The following TBC1D9 variants were observed in gnomAD, a reference collection of about 807,000 sequenced individuals.
TBC1D9 encodes TBC1 domain family member 9A.
In TBC1D9, 63 loss-of-function variants were observed where a neutral mutation model predicts 132.0. That is an observed-to-expected ratio of 0.48 (90% CI 0.39 to 0.59). TBC1D9 has a LOEUF of 0.59. TBC1D9 is among the 20% of genes least tolerant of loss of function. The pLI is 0.00. For synonymous variants in TBC1D9, 610 were observed against 609.9 expected (o/e 1.00, Z 0.00); for missense variants, 1,261 against 1,592.7 (o/e 0.79, Z 3.54).
At chr4:140,643,802 G>A (rs532997649) in intron 13 of TBC1D9, 5 of 808,832 alleles carry the variant, frequency 6.2e-6, no homozygotes, top group East Asian at 2.5e-5. Context: ...AGCCCTGCCC[G>A]GTGGCACTCA....
At chr4:140,637,959 A>G (rs949767645) in intron 15 of TBC1D9, among the ~76,000 whole-genome samples, 1 of 152,214 alleles carries the variant, frequency 6.6e-6, no homozygotes, top group African/African-American at 2.4e-5. Flanking sequence ...ACACCTACAA[A>G]GGCAGAGACT....
chr4:140,749,066 T>TA (rs1738882238), intron 1 of TBC1D9, among the ~76,000 whole-genome samples: 1 of 151,992 alleles, frequency 6.6e-6, no homozygotes, highest in African/African-American at 2.4e-5. Flanking sequence ...CATGTCAATT[T>TA]AAAAAATAAA....
chr4:140,697,452 T>C (rs1404172403), intron 2 of TBC1D9, among the ~76,000 whole-genome samples: 1 of 152,188 alleles, frequency 6.6e-6, no homozygotes, highest in Non-Finnish European at 1.5e-5. Context: ...TGTCACTTCC[T>C]TCTGTGCAGT....
intron 2 of TBC1D9, among the ~76,000 whole-genome samples, chr4:140,697,369 AAG>A (rs1314200948): frequency 1.3e-5 from 2 of 152,114 alleles, no homozygotes; most frequent in East Asian, 3.8e-4. Context: ...GCGACAGAGT[AAG>A]ACATTGTCTC....
intron 16 of TBC1D9, among the ~76,000 whole-genome samples, chr4:140,630,440 G>A (rs1274293345): frequency 6.6e-6 from 1 of 152,176 alleles, no homozygotes; most frequent in African/African-American, 2.4e-5. Context: ...CCCTGCTGGT[G>A]CCCAGATATC....
intron 1 of TBC1D9, among the ~76,000 whole-genome samples, chr4:140,725,063 T>C (rs1409066979): frequency 7.9e-5 from 12 of 152,220 alleles, no homozygotes; most frequent in Admixed American, 3.3e-4. Flanking sequence ...GTTGAAATTT[T>C]TTCCACAAAT....
intron 9 of TBC1D9, 83 bp downstream of exon 9, chr4:140,668,834 G>A: frequency 6.8e-7 from 1 of 1,465,408 alleles, no homozygotes; most frequent in Non-Finnish European, 9.3e-7. Flanking sequence ...AAGAACCCCT[G>A]AGGCATGACT....
chr4:140,672,524 G>A (rs1209203146), intron 6 of TBC1D9, among the ~76,000 whole-genome samples: 2 of 152,144 alleles, frequency 1.3e-5, no homozygotes, highest in Admixed American at 1.3e-4. Flanking sequence ...CCAAGGAGAT[G>A]AAAGGTTACA....
chr4:140,687,818 G>A (rs1370897895), intron 2 of TBC1D9, among the ~76,000 whole-genome samples: 1 of 152,114 alleles, frequency 6.6e-6, no homozygotes, highest in African/African-American at 2.4e-5. Context: ...GAGTGCAGTG[G>A]CTCACGACTG....
chr4:140,687,416 T>C (rs2111026563), intron 2 of TBC1D9, among the ~76,000 whole-genome samples: 1 of 130,456 alleles, frequency 7.7e-6, no homozygotes, highest in East Asian at 2.6e-4. Context: ...TATGCACTGC[T>C]CATTCCAGAA....
intron 18 of TBC1D9, among the ~76,000 whole-genome samples, chr4:140,626,406 C>T (rs1009952634): frequency 1.3e-5 from 2 of 152,152 alleles, no homozygotes; most frequent in Non-Finnish European, 2.9e-5. Flanking sequence ...CTTGTATTGC[C>T]AGTCATAAGA....
At chr4:140,656,860 G>A (rs899672963) in intron 13 of TBC1D9, among the ~76,000 whole-genome samples, 1 of 152,180 alleles carries the variant, frequency 6.6e-6, no homozygotes, top group Non-Finnish European at 1.5e-5. Flanking sequence ...TGCCAGTGAA[G>A]ACATGGTATT....
At chr4:140,628,450 C>T in intron 16 of TBC1D9, 85 bp from the exon 17 acceptor site, 2 of 1,234,386 alleles carry the variant, frequency 1.6e-6, no homozygotes, top group Middle Eastern at 1.9e-4. Flanking sequence ...AAGTCTACTT[C>T]ATACACATTC....
chr4:140,638,968 G>A, intron 15 of TBC1D9, 118 bp downstream of exon 15: 1 of 713,610 alleles, frequency 1.4e-6, no homozygotes, highest in Non-Finnish European at 2.3e-6. Flanking sequence ...TGTACTCTCA[G>A]CTCTAGCTTC....
At chr4:140,738,841 A>G (rs1423660324) in intron 1 of TBC1D9, among the ~76,000 whole-genome samples, 2 of 152,180 alleles carry the variant, frequency 1.3e-5, no homozygotes, top group Non-Finnish European at 2.9e-5. Flanking sequence ...AAGACTGGAA[A>G]ACTTTTTTGA....
intron 1 of TBC1D9, among the ~76,000 whole-genome samples, chr4:140,712,449 A>ATTATATATATATATATATATATATAT (rs1738258914): frequency 9.7e-6 from 1 of 102,704 alleles, no homozygotes; most frequent in African/African-American, 4.9e-5. Context: ...AAAAAAAAAG[A>ATTATATATATATATATATATATATAT]ATATATATAT....
At chr4:140,624,060 C>A in intron 20 of TBC1D9, 56 bp downstream of exon 20, 1 of 1,395,872 alleles carries the variant, frequency 7.2e-7, no homozygotes, top group South Asian at 1.3e-5. Context: ...ACTTTTCAGT[C>A]ATAGAAAAAA....
intron 1 of TBC1D9, among the ~76,000 whole-genome samples, chr4:140,717,917 C>T (rs962835206): frequency 1.6e-4 from 25 of 152,116 alleles, no homozygotes; most frequent in African/African-American, 6.0e-4. Flanking sequence ...TAGCAATATA[C>T]TTGTTCTCTT....
At chr4:140,698,747 G>T (rs940592117) in intron 2 of TBC1D9, among the ~76,000 whole-genome samples, 5 of 151,238 alleles carry the variant, frequency 3.3e-5, no homozygotes, top group East Asian at 3.9e-4. Context: ...CGGGGGTGGG[G>T]GGGGGAAAGA....
Sources: gnomAD v4.1 joint callset for allele counts (sites outside exome capture counted in the v4.1 genomes callset) on GRCh38, gnomAD v4.1.1 for gene constraint, MANE v1.5 for transcripts, NCBI Gene and HGNC (gene_info 2026-07-23, HGNC 2026-07-21) for gene names.